The following TNR variants were observed in gnomAD, a reference collection of about 807,000 sequenced individuals.
TNR encodes the protein tenascin R.
Under a neutral mutation model 150.4 loss-of-function variants are expected in TNR, and 45 were observed. The ratio of observed to expected loss-of-function variants is 0.30; its 90% confidence interval spans 0.24 to 0.38. The LOEUF (loss-of-function observed/expected upper bound fraction) is 0.38, where lower values mean the gene tolerates loss of function less well. Ranked by LOEUF, TNR falls within the 10% of genes least tolerant of loss-of-function variation. The pLI, the probability that TNR is intolerant of heterozygous loss-of-function variation, is 1.00. For missense variants in TNR, 1,544 were observed against 1,759.1 expected (o/e 0.88, Z 2.19); for synonymous variants, 687 against 678.4 (o/e 1.01, Z -0.20).
intron 2 of TNR, among the ~76,000 whole-genome samples, chr1:175,464,549 G>A (rs935732147): frequency 1.3e-5 from 2 of 152,200 alleles, no homozygotes; most frequent in Admixed American, 6.5e-5. Flanking sequence ...GAACATAGGC[G>A]TTCAGGCACC....
intron 1 of TNR, among the ~76,000 whole-genome samples, chr1:175,559,639 A>C (rs772011148): frequency 1.3e-5 from 2 of 152,216 alleles, no homozygotes; most frequent in Non-Finnish European, 2.9e-5. Flanking sequence ...ATCATATTGT[A>C]GGTATTCTTA....
chr1:175,733,053 G>C (rs1235410573), intron 1 of TNR, among the ~76,000 whole-genome samples: 1 of 152,182 alleles, frequency 6.6e-6, no homozygotes, highest in Non-Finnish European at 1.5e-5. Context: ...GGCAGGCCTT[G>C]GTCAGGCCAG....
chr1:175,516,755 G>A (rs1659421275), intron 2 of TNR, among the ~76,000 whole-genome samples: 1 of 152,112 alleles, frequency 6.6e-6, no homozygotes, highest in African/African-American at 2.4e-5. Context: ...AAGAATTAGG[G>A]CACTATCTAT....
chr1:175,622,714 T>C (rs529772571), intron 1 of TNR, among the ~76,000 whole-genome samples: 17 of 152,306 alleles, frequency 1.1e-4, no homozygotes, highest in African/African-American at 3.8e-4. Context: ...ACAACAGAAA[T>C]TTGTCATCTG....
chr1:175,502,287 A>C (rs1658770368), intron 2 of TNR, among the ~76,000 whole-genome samples: 1 of 152,176 alleles, frequency 6.6e-6, no homozygotes, highest in Admixed American at 6.5e-5. Flanking sequence ...AGAATGCTGG[A>C]GTGCTCTATT....
chr1:175,640,832 T>C (rs1664633870), intron 1 of TNR, among the ~76,000 whole-genome samples: 1 of 151,748 alleles, frequency 6.6e-6, no homozygotes, highest in Non-Finnish European at 1.5e-5. Flanking sequence ...TTAAAATAAC[T>C]ATAAATTACC....
chr1:175,392,512 C>A (rs1003487848), intron 6 of TNR, among the ~76,000 whole-genome samples: 2 of 152,106 alleles, frequency 1.3e-5, no homozygotes, highest in African/African-American at 2.4e-5. Flanking sequence ...GAGAACCTGG[C>A]GTAATTTTTC....
At chr1:175,407,357 G>C (rs1338579595) in intron 2 of TNR, among the ~76,000 whole-genome samples, 1 of 152,170 alleles carries the variant, frequency 6.6e-6, no homozygotes, top group Non-Finnish European at 1.5e-5. Context: ...ATTATCTAGG[G>C]CTGTGTGAGC....
intron 18 of TNR, among the ~76,000 whole-genome samples, chr1:175,347,602 A>G (rs984953736): frequency 6.6e-6 from 1 of 151,922 alleles, no homozygotes; most frequent in Non-Finnish European, 1.5e-5. Flanking sequence ...TAACTTATGT[A>G]TTTTTAGTAG....
Position 175,708,018 on chromosome 1 carries a change from TTGTGTGTGTGTGTGTGTGTG to T in TNR, c.-165+35188_-165+35207del, listed in dbSNP as rs10676470. Among the ~76,000 whole-genome samples the T allele has an allele frequency of 5.9e-3, 856 of 144,752 alleles. 12 individuals are homozygous for T. Among genetic ancestry groups the T allele is most frequent in the African/African-American group, 0.021 (813 of 39,558 alleles). 95.0% of individuals were successfully genotyped at this position (144,752 alleles called of 152,430 possible). ...CAGGTACAAAGAGCCATGTGTGTGT[TTGTGTGTGTGTGTGTGTGTG>T]TGTGTGTGTGTGTGTGTGTGTATTT... On this transcript the variant is annotated intron_variant, in intron 1 of 22. Transcript: ENST00000367674.
chr1:175,705,967 G>A (rs926595137), intron 1 of TNR, among the ~76,000 whole-genome samples: 1 of 152,146 alleles, frequency 6.6e-6, no homozygotes, highest in Admixed American at 6.5e-5. Context: ...CCTGACTTGT[G>A]TAAAAATGTA....
chr1:175,653,076 C>T (rs998824899), intron 1 of TNR, among the ~76,000 whole-genome samples: 4 of 152,302 alleles, frequency 2.6e-5, no homozygotes, highest in Admixed American at 6.5e-5. Context: ...CTATGGGAAG[C>T]GTAAAGGGCA....
At chr1:175,558,014 T>C (rs1661246374) in intron 1 of TNR, among the ~76,000 whole-genome samples, 1 of 110,244 alleles carries the variant, frequency 9.1e-6, no homozygotes, top group African/African-American at 3.4e-5. Flanking sequence ...CAGTAAACTA[T>C]CGCAAGAACA....
intron 5 of TNR, among the ~76,000 whole-genome samples, chr1:175,396,139 T>C (rs750105076): frequency 3.9e-5 from 6 of 152,242 alleles, no homozygotes; most frequent in East Asian, 1.9e-4. Context: ...TATACACTTA[T>C]GGTCGAGAAC....
At chr1:175,416,003 T>G (rs1011805755) in intron 2 of TNR, among the ~76,000 whole-genome samples, 2 of 152,164 alleles carry the variant, frequency 1.3e-5, no homozygotes, top group Non-Finnish European at 2.9e-5. Context: ...TTTTAAATTT[T>G]ATGATGCATG....
chr1:175,628,634 G>C (rs932424497), intron 1 of TNR, among the ~76,000 whole-genome samples: 1 of 152,074 alleles, frequency 6.6e-6, no homozygotes, highest in African/African-American at 2.4e-5. Context: ...AGTGTCACTG[G>C]GTTTGAAGCT....
intron 15 of TNR, among the ~76,000 whole-genome samples, chr1:175,357,632 A>G (rs56375529): frequency 6.6e-6 from 1 of 152,112 alleles, no homozygotes; most frequent in Non-Finnish European, 1.5e-5. Context: ...TTTTCTTGAA[A>G]TTCCCTTTCT....
At chr1:175,492,235 A>G (rs2102140514) in intron 2 of TNR, among the ~76,000 whole-genome samples, 1 of 152,316 alleles carries the variant, frequency 6.6e-6, no homozygotes, top group South Asian at 2.1e-4. Flanking sequence ...GGTTTTGAAT[A>G]TTGCATGTGC....
chr1:175,495,946 C>A (rs935130353), intron 2 of TNR, among the ~76,000 whole-genome samples: 21 of 152,186 alleles, frequency 1.4e-4, no homozygotes, highest in Admixed American at 1.2e-3. Context: ...TGTTACTTCC[C>A]CACATCCTGT....
Sources: allele counts gnomAD v4.1 joint callset (sites outside exome capture counted in the v4.1 genomes callset), GRCh38; gene constraint gnomAD v4.1.1; transcripts MANE v1.5; gene names NCBI Gene and HGNC (gene_info 2026-07-23, HGNC 2026-07-21).